Variants in WDR41 observed in about 807,000 individuals in gnomAD.
The protein encoded by WDR41 is WD repeat domain 41, also known as WD repeat-containing protein 41.
A neutral mutation model predicts 69.3 loss-of-function variants in WDR41; 63 were observed. That is an observed-to-expected ratio of 0.91 (90% CI 0.74 to 1.12). WDR41 has a LOEUF of 1.12. WDR41 is among the 50% of genes most tolerant of loss of function. WDR41 has a pLI of 0.00. For missense variants in WDR41, 543 were observed against 534.5 expected (o/e 1.02, Z -0.16); for synonymous variants, 185 against 192.1 (o/e 0.96, Z 0.31).
At chr5:77,470,044 CA>C (rs1800503369) in intron 2 of WDR41, among the ~76,000 whole-genome samples, 1 of 149,548 alleles carries the variant, frequency 6.7e-6, no homozygotes, top group African/African-American at 2.5e-5. Context: ...TCGGGTTACC[CA>C]CGAAGGGAAG....
At chr5:77,559,877 C>T (rs1016191978) in intron 1 of WDR41, among the ~76,000 whole-genome samples, 2 of 152,004 alleles carry the variant, frequency 1.3e-5, no homozygotes, top group African/African-American at 4.8e-5. Flanking sequence ...TCAGAGAGAA[C>T]AAAGCAACAC....
At chr5:77,453,730 C>T in intron 6 of WDR41, 87 bp downstream of exon 6, 1 of 1,082,812 alleles carries the variant, frequency 9.2e-7, no homozygotes. Flanking sequence ...CTATATTGAC[C>T]TTTCTACTTA....
intron 1 of WDR41, among the ~76,000 whole-genome samples, chr5:77,553,944 A>G (rs1743342543): frequency 6.6e-6 from 1 of 152,222 alleles, no homozygotes; most frequent in Non-Finnish European, 1.5e-5. Context: ...CTGGACATTT[A>G]TGCCAGAGGA....
chr5:77,487,748 T>A (rs1387172091), intron 2 of WDR41, among the ~76,000 whole-genome samples: 1 of 151,866 alleles, frequency 6.6e-6, no homozygotes, highest in Non-Finnish European at 1.5e-5. Flanking sequence ...CTGGCCAAGG[T>A]GGAAAAATGA....
At chr5:77,437,537 C>T (rs1798991235) in intron 10 of WDR41, 113 bp from the exon 11 acceptor site, 6 of 895,662 alleles carry the variant, frequency 6.7e-6, no homozygotes, top group Admixed American at 3.8e-5. Context: ...CAGCTCTTAG[C>T]AGGAACTGAC....
Position 77,617,393 on chromosome 5 carries a change from TACAC to T in WDR41, c.42+3082_42+3085del, listed in dbSNP as rs58840270. Reference sequence around the variant, plus strand: ...TTTCTGTCTCTCTCATCTACACACATACACACACACACACAGATGCATTAAATCT... The same window carrying T: ...TTTCTGTCTCTCTCATCTACACACATACACACACACAGATGCATTAAATCT... On this transcript the variant is annotated intron_variant, in intron 1 of 5. Transcript: ENST00000509971. Among the ~76,000 whole-genome samples, 5 of 150,934 alleles carry T rather than the reference TACAC, an allele frequency of 3.3e-5. No homozygotes were observed. The East Asian group carries it at 9.6e-4, about 29-fold the overall frequency.
chr5:77,533,000 T>C (rs951159156), intron 1 of WDR41, among the ~76,000 whole-genome samples: 5 of 152,188 alleles, frequency 3.3e-5, no homozygotes, highest in African/African-American at 1.2e-4. Context: ...TCCTTGCATG[T>C]ATTTTGTATT....
At chr5:77,501,379 G>A (rs181196268) in intron 1 of WDR41, among the ~76,000 whole-genome samples, 2,807 of 152,334 alleles carry the variant, frequency 0.018, 62 homozygotes, top group African/African-American at 0.055. Context: ...CGGGAAGCTC[G>A]AACTGGGCAG....
intron 1 of WDR41, among the ~76,000 whole-genome samples, chr5:77,611,631 C>T (rs1172103385): frequency 1.3e-5 from 2 of 152,276 alleles, no homozygotes; most frequent in Non-Finnish European, 2.9e-5. Context: ...CTCTGGGACA[C>T]ATTCAAAGCA....
At chr5:77,608,002 A>G (rs1744459296) in intron 1 of WDR41, among the ~76,000 whole-genome samples, 1 of 152,212 alleles carries the variant, frequency 6.6e-6, no homozygotes, top group South Asian at 2.1e-4. Context: ...TTTTAAGCAT[A>G]CAGTTCAATG....
At chr5:77,602,713 T>C (rs78372890) in intron 1 of WDR41, among the ~76,000 whole-genome samples, 1,699 of 152,286 alleles carry the variant, frequency 0.011, 44 homozygotes, top group African/African-American at 0.038. Context: ...GCAATAAACA[T>C]GCAAGCGCAG....
intron 2 of WDR41, among the ~76,000 whole-genome samples, chr5:77,474,678 C>G (rs570099957): frequency 6.7e-6 from 1 of 149,908 alleles, no homozygotes; most frequent in African/African-American, 2.5e-5. Flanking sequence ...GTCTAAGGTC[C>G]TTTTTTAGCT....
intron 1 of WDR41, among the ~76,000 whole-genome samples, chr5:77,614,389 A>G (rs1744631215): frequency 6.6e-6 from 1 of 151,410 alleles, no homozygotes. Flanking sequence ...AAGACTTGGA[A>G]CCAACCCAAA....
chr5:77,550,048 GA>G (rs1053588262), intron 1 of WDR41, among the ~76,000 whole-genome samples: 24 of 149,842 alleles, frequency 1.6e-4, no homozygotes, highest in South Asian at 8.5e-4. Context: ...ATAACCAGAA[GA>G]AAAAAAAAGG....
intron 1 of WDR41, among the ~76,000 whole-genome samples, chr5:77,611,758 A>G (rs1744556881): frequency 6.6e-6 from 1 of 150,984 alleles, no homozygotes; most frequent in African/African-American, 2.4e-5. Context: ...AAACACATTC[A>G]AAAGCTAGCA....
At position 77,440,830 on chromosome 5, in the gene WDR41, AATG is replaced by A. The variant is rs1357453383; in HGVS notation, c.862_864del (p.His288del). The A allele has an allele frequency of 1.9e-6, 3 of 1,614,172 alleles. No homozygotes were observed. In the South Asian group the frequency reaches 3.3e-5, roughly 18 times the overall value. On this transcript the variant is annotated inframe_deletion, in exon 9 of 13. Transcript: ENST00000296679. The stretch of plus-strand genomic sequence containing the variant: ...TTTTTTACCTCTTCATCACATGTGA[AATG>A]ATGAATAGAAATGTCATTTGATTTT...
intron 1 of WDR41, among the ~76,000 whole-genome samples, chr5:77,609,762 A>G (rs1240207794): frequency 2.0e-5 from 3 of 152,266 alleles, no homozygotes; most frequent in Non-Finnish European, 4.4e-5. Flanking sequence ...CTCCTCCTCC[A>G]AAGGAACACA....
At chr5:77,594,320 C>T (rs573711569) in intron 1 of WDR41, among the ~76,000 whole-genome samples, 89 of 150,818 alleles carry the variant, frequency 5.9e-4, no homozygotes, top group Middle Eastern at 3.4e-3. Flanking sequence ...ATGTAAATGA[C>T]GAGTTAATGG....
intron 1 of WDR41, among the ~76,000 whole-genome samples, chr5:77,599,162 C>A (rs1366091173): frequency 6.9e-6 from 1 of 145,276 alleles, no homozygotes; most frequent in Non-Finnish European, 1.5e-5. Flanking sequence ...CTACTCCATG[C>A]ATTTACAATG....
Sources: gnomAD v4.1 joint callset for allele counts (sites outside exome capture counted in the v4.1 genomes callset) on GRCh38, gnomAD v4.1.1 for gene constraint, MANE v1.5 for transcripts, NCBI Gene and HGNC (gene_info 2026-07-23, HGNC 2026-07-21) for gene names.